Variants in PCDHA6 observed in about 807,000 individuals in gnomAD.
The protein encoded by PCDHA6 is protocadherin alpha 6, also known as protocadherin alpha-6.
A neutral mutation model predicts 60.3 loss-of-function variants in PCDHA6; 55 were observed. The ratio of observed to expected loss-of-function variants is 0.91; its 90% confidence interval spans 0.73 to 1.14. PCDHA6 has a LOEUF of 1.14. Ranked by LOEUF, PCDHA6 falls within the 50% of genes most tolerant of loss-of-function variation. The probability of loss-of-function intolerance (pLI) is 0.00; values close to 1 mark genes in which losing one functional copy is unlikely to be tolerated. For synonymous variants in PCDHA6, 652 were observed against 557.9 expected (o/e 1.17, Z -2.38); for missense variants, 1,327 against 1,256.5 (o/e 1.06, Z -0.85).
intron 1 of PCDHA6, among the ~76,000 whole-genome samples, chr5:140,906,871 A>G (rs953788729): frequency 6.6e-6 from 1 of 152,184 alleles, no homozygotes; most frequent in African/African-American, 2.4e-5. Flanking sequence ...CCCAGCCAAC[A>G]CTGTAACTTC....
intron 1 of PCDHA6, chr5:140,882,976 T>G: frequency 1.2e-6 from 2 of 1,614,220 alleles, no homozygotes; most frequent in Non-Finnish European, 1.7e-6. Flanking sequence ...TGGACGTGAA[T>G]GACAACGCCC....
intron 1 of PCDHA6, chr5:140,883,880 C>G: frequency 1.2e-6 from 2 of 1,613,304 alleles, no homozygotes; most frequent in Non-Finnish European, 1.7e-6. Context: ...GGTGAGCGCG[C>G]GCGACTCTGG....
In PCDHA6 at chr5:140,829,495, C is replaced by A; in HGVS notation, c.1404C>A (p.Asn468Lys). The change falls in exon 1 of 4, where the codon AAC becomes AAA. Residue 468 changes from asparagine (N) to lysine (K), a missense_variant. Transcript: ENST00000529310. ...ACACAGTGTTCGTGAAGGAGAACAA[C>A]CCGCCGGGCTGCCACATCTTCACGG... ...PEYTVFVKEN[N>K]PPGCHIFTVS... The A allele has an allele frequency of 6.2e-7, 1 of 1,613,650 alleles. No individual in the cohort carries two copies. The highest frequency in any genetic ancestry group is 8.5e-7 in the Non-Finnish European group (1 of 1,179,968).
intron 3 of PCDHA6, among the ~76,000 whole-genome samples, chr5:140,994,104 T>C (rs1356172498): frequency 6.6e-6 from 1 of 152,210 alleles, no homozygotes; most frequent in Non-Finnish European, 1.5e-5. Context: ...ATGGAAATAT[T>C]ACATTGTCAT....
At chr5:140,950,429 T>TGTA (rs1554219455) in intron 1 of PCDHA6, among the ~76,000 whole-genome samples, 5 of 151,900 alleles carry the variant, frequency 3.3e-5, no homozygotes, top group African/African-American at 1.2e-4. Flanking sequence ...TTCTTCCACT[T>TGTA]AAAAAAAATG....
At position 140,828,831 on chromosome 5, in the gene PCDHA6, A is replaced by G. The variant is rs2150159433; in HGVS notation, c.740A>G (p.Tyr247Cys). Residue 247 changes from tyrosine to cysteine, a missense_variant, in exon 1 of 4, where the codon TAC becomes TGC. Coordinates refer to ENST00000529310, the MANE Select transcript of PCDHA6 (RefSeq NM_018909.4). ...DNAPTFEQSEYEVRIFENADN... is the reference protein window; with the variant it reads ...DNAPTFEQSECEVRIFENADN... ...GCTCCCACTTTCGAACAGTCTGAAT[A>G]CGAAGTAAGAATATTCGAAAATGCA... 6.2e-7 allele frequency: 1 copy of G among 1,614,230 alleles called. No homozygotes were observed. Among genetic ancestry groups the G allele is most frequent in the East Asian group, 2.2e-5 (1 of 44,886 alleles).
intron 1 of PCDHA6, among the ~76,000 whole-genome samples, chr5:140,873,598 G>A (rs888999019): frequency 1.3e-5 from 2 of 152,148 alleles, no homozygotes; most frequent in Non-Finnish European, 2.9e-5. Flanking sequence ...AAACTTAGAT[G>A]TTCCTATTGG....
chr5:141,004,745 A>C (rs1282005519), intron 3 of PCDHA6, among the ~76,000 whole-genome samples: 2 of 152,158 alleles, frequency 1.3e-5, no homozygotes, highest in Non-Finnish European at 2.9e-5. Flanking sequence ...CTTTTGTCTC[A>C]GTCTCTTAGA....
Position 140,838,640 on chromosome 5 carries a change from A to G in PCDHA6, c.2394+8155A>G, listed in dbSNP as rs1775814503. On this transcript the variant is annotated intron_variant, in intron 1 of 3. Coordinates refer to ENST00000529310, the MANE Select transcript of PCDHA6 (RefSeq NM_018909.4). ...TTTTTACAAATAATTTGGTTGGTCAAAAAAATGATAGTTAACGGGGCATGG... is the reference window on the plus strand; with the variant it reads ...TTTTTACAAATAATTTGGTTGGTCAGAAAAATGATAGTTAACGGGGCATGG... Among the ~76,000 whole-genome samples, 5 of 152,166 alleles carry G rather than the reference A, an allele frequency of 3.3e-5. 1 individual carries two copies. In the South Asian group the frequency reaches 8.3e-4, roughly 25 times the overall value.
chr5:140,883,230 A>T (rs1554177225), intron 1 of PCDHA6: 1 of 1,614,082 alleles, frequency 6.2e-7, no homozygotes, highest in African/African-American at 1.3e-5. Flanking sequence ...ATATCCGTGG[A>T]GGCAGTTGAC....
At chr5:140,959,676 A>G (rs2095505288) in intron 1 of PCDHA6, among the ~76,000 whole-genome samples, 1 of 152,246 alleles carries the variant, frequency 6.6e-6, no homozygotes, top group Non-Finnish European at 1.5e-5. Flanking sequence ...AATCATTTCT[A>G]AATAATTTCA....
At chr5:140,918,051 A>C (rs782531005) in intron 1 of PCDHA6, among the ~76,000 whole-genome samples, 4 of 151,984 alleles carry the variant, frequency 2.6e-5, no homozygotes, top group Admixed American at 2.0e-4. Flanking sequence ...CATTTGTTTT[A>C]TCATCTCTGA....
At chr5:140,883,897 G>A in intron 1 of PCDHA6, 1 of 1,613,332 alleles carries the variant, frequency 6.2e-7, no homozygotes, top group Non-Finnish European at 8.5e-7. Flanking sequence ...CTGGCGTGCC[G>A]CCTCTGGGCA....
At chr5:140,839,764 G>A (rs893515240) in intron 1 of PCDHA6, among the ~76,000 whole-genome samples, 1 of 151,822 alleles carries the variant, frequency 6.6e-6, no homozygotes, top group South Asian at 2.1e-4. Flanking sequence ...TTTAACCTAC[G>A]TTTTTGGTAA....
Position 140,849,788 on chromosome 5 carries a change from C to T in PCDHA6, c.2394+19303C>T, listed in dbSNP as rs2150450289. The T allele has an allele frequency of 2.5e-6, 4 of 1,598,468 alleles. No homozygotes were observed. The South Asian group carries it at 4.4e-5, about 18-fold the overall frequency. ...TGGTGGTTACCGCGCGGGACGGGGGCTCGCCTTCACTGTGGGCCACGGCCA... is the reference window on the plus strand; with the variant it reads ...TGGTGGTTACCGCGCGGGACGGGGGTTCGCCTTCACTGTGGGCCACGGCCA... On this transcript the variant is annotated intron_variant, in intron 1 of 3. Coordinates refer to ENST00000529310, the MANE Select transcript of PCDHA6 (RefSeq NM_018909.4).
chr5:140,981,670 C>T (rs1389601276), intron 2 of PCDHA6, among the ~76,000 whole-genome samples: 8 of 152,070 alleles, frequency 5.3e-5, no homozygotes, highest in Non-Finnish European at 1.0e-4. Context: ...TCCTTCCTTT[C>T]TTCCTTCCTC....
chr5:140,985,430 A>T lies in PCDHA6; in HGVS notation c.2542+2867A>T, dbSNP rs1158797076. ...GGAAATGGAGTGAGGAGGATTTATT[A>T]GTTGCTGCCTGAAGAAAAGGGAAAT... On this transcript the variant is annotated intron_variant, in intron 3 of 3. Transcript: ENST00000529310. Among the ~76,000 whole-genome samples the T allele has an allele frequency of 2.6e-5, 4 of 152,186 alleles. 1 individual carries two copies. Among genetic ancestry groups the T allele is most frequent in the Non-Finnish European group, 5.9e-5 (4 of 68,036 alleles).
intron 1 of PCDHA6, among the ~76,000 whole-genome samples, chr5:140,945,071 C>A (rs246061): frequency 0.56 from 85,726 of 151,850 alleles, 24,797 homozygotes; most frequent in African/African-American, 0.69. Context: ...CAGACTCCAC[C>A]AAAACACTCT....
intron 1 of PCDHA6, chr5:140,876,440 T>G (rs369023443): frequency 3.7e-6 from 6 of 1,613,994 alleles, no homozygotes; most frequent in Admixed American, 1.7e-5. Flanking sequence ...GTTAACGCCA[T>G]TGATAAAGGG....
Sources: allele counts gnomAD v4.1 joint callset (sites outside exome capture counted in the v4.1 genomes callset), GRCh38; gene constraint gnomAD v4.1.1; transcripts MANE v1.5; gene names NCBI Gene and HGNC (gene_info 2026-07-23, HGNC 2026-07-21).